Variants in FBXL7 observed in about 807,000 individuals in gnomAD.
FBXL7 encodes F-box and leucine rich repeat protein 7, also known as F-box/LRR-repeat protein 7.
Under a neutral mutation model 38.3 loss-of-function variants are expected in FBXL7, and 12 were observed. The ratio of observed to expected loss-of-function variants is 0.31; its 90% CI spans 0.20 to 0.51. FBXL7 has a LOEUF of 0.51. Ranked by LOEUF, FBXL7 falls within the 20% of genes least tolerant of loss-of-function variation. The pLI is 0.98. For missense variants in FBXL7, 567 were observed against 676.4 expected, an observed-to-expected ratio of 0.84 and a Z score of 1.79; for synonymous variants, 297 against 300.9, an observed-to-expected ratio of 0.99 and a Z score of 0.13.
At chr5:15,793,984 G>A (rs1197999715) in intron 2 of FBXL7, among the ~76,000 whole-genome samples, 1 of 152,152 alleles carries the variant, frequency 6.6e-6, no homozygotes, top group African/African-American at 2.4e-5. Context: ...TTTCACTTCA[G>A]TGGCAACGCA....
intron 2 of FBXL7, among the ~76,000 whole-genome samples, chr5:15,641,411 T>C (rs966301539): frequency 2.0e-5 from 3 of 152,050 alleles, no homozygotes; most frequent in African/African-American, 4.8e-5. Flanking sequence ...TAGAGACAGG[T>C]AGGAAGTTCT....
chr5:15,638,832 A>G (rs1211968425), intron 2 of FBXL7, among the ~76,000 whole-genome samples: 1 of 152,158 alleles, frequency 6.6e-6, no homozygotes, highest in African/African-American at 2.4e-5. Flanking sequence ...AAATGCTGCC[A>G]ATGTTAGTAG....
At chr5:15,607,507 A>C (rs1382842590) in intron 1 of FBXL7, among the ~76,000 whole-genome samples, 1 of 152,176 alleles carries the variant, frequency 6.6e-6, no homozygotes, top group Non-Finnish European at 1.5e-5. Flanking sequence ...AAATGAGAAA[A>C]GAGAAGAAAC....
intron 1 of FBXL7, chr5:15,501,862 G>GTGTT: frequency 3.2e-6 from 1 of 312,078 alleles, no homozygotes; most frequent in African/African-American, 2.4e-5. Flanking sequence ...ATATGTGCAT[G>GTGTT]TGTATGTGTG....
intron 2 of FBXL7, among the ~76,000 whole-genome samples, chr5:15,877,832 G>C (rs1259491330): frequency 6.6e-6 from 1 of 152,114 alleles, no homozygotes. Context: ...TCCCGCTAAA[G>C]AGAAACATAG....
intron 2 of FBXL7, among the ~76,000 whole-genome samples, chr5:15,749,385 G>A (rs966004311): frequency 6.6e-6 from 1 of 152,002 alleles, no homozygotes; most frequent in Non-Finnish European, 1.5e-5. Context: ...CCAGCACTTT[G>A]TGAAGCCAAG....
intron 2 of FBXL7, among the ~76,000 whole-genome samples, chr5:15,873,968 A>G (rs2126830563): frequency 6.6e-6 from 1 of 152,312 alleles, no homozygotes; most frequent in East Asian, 1.9e-4. Context: ...ACACACAAAA[A>G]AAGAAAATTT....
chr5:15,813,944 TG>T (rs1286224789), intron 2 of FBXL7, among the ~76,000 whole-genome samples: 1 of 152,084 alleles, frequency 6.6e-6, no homozygotes, highest in Non-Finnish European at 1.5e-5. Context: ...CTGGAGAGGA[TG>T]TGGAGAAATA....
intron 1 of FBXL7, among the ~76,000 whole-genome samples, chr5:15,509,789 G>T (rs1449324013): frequency 6.6e-6 from 1 of 152,176 alleles, no homozygotes; most frequent in Non-Finnish European, 1.5e-5. Context: ...GAGGACCATG[G>T]TATGCTTTAG....
chr5:15,849,614 T>A (rs1739032095), intron 2 of FBXL7, among the ~76,000 whole-genome samples: 1 of 152,204 alleles, frequency 6.6e-6, no homozygotes, highest in Non-Finnish European at 1.5e-5. Flanking sequence ...GTGTGAGGCC[T>A]CCCCAGCCAT....
chr5:15,755,847 C>T (rs1462892137), intron 2 of FBXL7, among the ~76,000 whole-genome samples: 1 of 152,174 alleles, frequency 6.6e-6, no homozygotes, highest in Non-Finnish European at 1.5e-5. Flanking sequence ...GCACTGAAGA[C>T]GTTTGTGGCA....
At chr5:15,743,502 G>C (rs1735941599) in intron 2 of FBXL7, among the ~76,000 whole-genome samples, 1 of 152,226 alleles carries the variant, frequency 6.6e-6, no homozygotes, top group Non-Finnish European at 1.5e-5. Context: ...ATCTTGCACA[G>C]CTCTGCCCCT....
At chr5:15,758,801 C>T (rs1038722099) in intron 2 of FBXL7, among the ~76,000 whole-genome samples, 2 of 151,972 alleles carry the variant, frequency 1.3e-5, no homozygotes, top group Admixed American at 6.6e-5. Flanking sequence ...GCAATTAACT[C>T]GAATTGCTTC....
At chr5:15,543,642 G>C (rs1737819072) in intron 1 of FBXL7, among the ~76,000 whole-genome samples, 1 of 152,150 alleles carries the variant, frequency 6.6e-6, no homozygotes, top group Non-Finnish European at 1.5e-5. Context: ...AGAAACTGCT[G>C]GTTGATGAAT....
chr5:15,673,506 G>T (rs1173690782), intron 2 of FBXL7, among the ~76,000 whole-genome samples: 25 of 152,128 alleles, frequency 1.6e-4, no homozygotes, highest in Admixed American at 1.4e-3. Flanking sequence ...CATTCACCAT[G>T]GAACACAGAG....
At chr5:15,544,557 TAC>T (rs142884662) in intron 1 of FBXL7, among the ~76,000 whole-genome samples, 13 of 150,830 alleles carry the variant, frequency 8.6e-5, no homozygotes, top group Non-Finnish European at 1.0e-4. Context: ...GCCTGTACAT[TAC>T]ACACACACAC....
chr5:15,681,249 G>A (rs989484582), intron 2 of FBXL7, among the ~76,000 whole-genome samples: 1 of 152,136 alleles, frequency 6.6e-6, no homozygotes, highest in African/African-American at 2.4e-5. Flanking sequence ...TAGAAAGTTA[G>A]CAAAGATTTC....
At chr5:15,748,077 A>G (rs1460846153) in intron 2 of FBXL7, among the ~76,000 whole-genome samples, 3 of 67,654 alleles carry the variant, frequency 4.4e-5, no homozygotes. Context: ...GAATTCTGAT[A>G]TAACTGGAGT....
intron 2 of FBXL7, among the ~76,000 whole-genome samples, chr5:15,655,185 A>G (rs1741833740): frequency 6.6e-6 from 1 of 152,222 alleles, no homozygotes; most frequent in Admixed American, 6.5e-5. Flanking sequence ...TTTCTGTGGT[A>G]TCAGAAATGA....
Sources: gnomAD v4.1 joint callset for allele counts (sites outside exome capture counted in the v4.1 genomes callset) on GRCh38, gnomAD v4.1.1 for gene constraint, MANE v1.5 for transcripts, NCBI Gene and HGNC (gene_info 2026-07-23, HGNC 2026-07-21) for gene names.